Variants in KCNH8 observed in about 807,000 individuals in gnomAD.
The protein encoded by KCNH8 is potassium voltage-gated channel subfamily H member 8.
A neutral mutation model predicts 103.6 loss-of-function variants in KCNH8; 70 were observed. The ratio of observed to expected loss-of-function variants is 0.68; its 90% confidence interval spans 0.56 to 0.82. KCNH8 has a LOEUF of 0.82. Ranked by LOEUF, KCNH8 falls within the 40% of genes least tolerant of loss-of-function variation. The pLI is 0.00. For synonymous variants in KCNH8, 498 were observed against 489.4 expected, an observed-to-expected ratio of 1.02 and a Z score of -0.23; for missense variants, 1,217 against 1,329.9, an observed-to-expected ratio of 0.92 and a Z score of 1.32.
At chr3:19,185,653 C>T (rs1389799706) in intron 1 of KCNH8, among the ~76,000 whole-genome samples, 1 of 151,824 alleles carries the variant, frequency 6.6e-6, no homozygotes, top group Non-Finnish European at 1.5e-5. Flanking sequence ...AGATGATTTA[C>T]AAGAGGACCA....
chr3:19,288,984 T>C (rs564361164), intron 3 of KCNH8, among the ~76,000 whole-genome samples: 304 of 152,352 alleles, frequency 2.0e-3, no homozygotes, highest in South Asian at 3.5e-3. Context: ...TGGCCAGTGA[T>C]GATGAGCATT....
Position 19,390,583 on chromosome 3 carries a change from T to G in KCNH8, c.914T>G (p.Ile305Ser). ...CACTATGTCACAACCTGGTTCATCA[T>G]TGATTTAATCGCTGCCCTGCCTTTT... ...CIHYVTTWFI[I>S]DLIAALPFDL... is the part of the protein sequence containing the mutation. Residue 305 changes from isoleucine (I) to serine (S), a missense_variant, in exon 6 of 16, where the codon ATT becomes AGT. Physicochemically the swap from Ile to Ser is moderately radical, Grantham distance 142 (BLOSUM62 -2). Coordinates refer to ENST00000328405, the MANE Select transcript of KCNH8 (RefSeq NM_144633.3). 1 of 1,613,584 alleles carries G rather than the reference T, an allele frequency of 6.2e-7. No individual in the cohort carries two copies. The highest frequency in any genetic ancestry group is 8.5e-7 in the Non-Finnish European group (1 of 1,179,662).
intron 1 of KCNH8, among the ~76,000 whole-genome samples, chr3:19,244,692 G>A (rs916743629): frequency 3.3e-5 from 5 of 151,778 alleles, no homozygotes; most frequent in African/African-American, 1.2e-4. Flanking sequence ...TCTCGTTGTG[G>A]GTTTTGATTT....
intron 9 of KCNH8, 137 bp downstream of exon 9, chr3:19,450,442 T>C: frequency 1.4e-6 from 1 of 694,892 alleles, no homozygotes; most frequent in East Asian, 2.7e-5. Context: ...TATTCATGAA[T>C]CCCAATCCAT....
At chr3:19,187,953 A>T (rs924975463) in intron 1 of KCNH8, among the ~76,000 whole-genome samples, 3 of 152,020 alleles carry the variant, frequency 2.0e-5, no homozygotes, top group African/African-American at 7.2e-5. Context: ...GTGTTTTGTA[A>T]CCACTATACA....
rs116470764 is a variant in KCNH8, at chr3:19,522,303, A to T, written c.2619+4229A>T. ...ATGGTGTAGTTCCATTCTAATTCCG[A>T]AGTCCTAAAAACCAGGAGAGCCAGT... is the stretch of plus-strand genomic sequence containing the variant. On this transcript the variant is annotated intron_variant, in intron 15 of 15. Coordinates refer to ENST00000328405, the MANE Select transcript of KCNH8 (RefSeq NM_144633.3). Among the ~76,000 whole-genome samples, 165 of 151,862 alleles carry T rather than the reference A, an allele frequency of 1.1e-3. 1 individual carries two copies. The highest frequency in any genetic ancestry group is 3.8e-3 in the African/African-American group (156 of 41,502).
chr3:19,255,417 C>T (rs550188146), intron 2 of KCNH8, among the ~76,000 whole-genome samples: 1 of 152,226 alleles, frequency 6.6e-6, no homozygotes, highest in East Asian at 1.9e-4. Flanking sequence ...CAAACAGAGA[C>T]AGTTTGATGT....
At chr3:19,504,968 T>G (rs538613430) in intron 11 of KCNH8, among the ~76,000 whole-genome samples, 22 of 149,210 alleles carry the variant, frequency 1.5e-4, no homozygotes, top group Non-Finnish European at 2.2e-4. Flanking sequence ...AAATGTGAGA[T>G]ATATATATAT....
chr3:19,522,652 C>G (rs1189172243), intron 15 of KCNH8, among the ~76,000 whole-genome samples: 1 of 151,838 alleles, frequency 6.6e-6, no homozygotes, highest in Non-Finnish European at 1.5e-5. Flanking sequence ...AGCTGGCATA[C>G]AAAATTTACT....
chr3:19,221,295 G>A (rs1032283848), intron 1 of KCNH8, among the ~76,000 whole-genome samples: 7 of 152,322 alleles, frequency 4.6e-5, no homozygotes, highest in African/African-American at 1.7e-4. Flanking sequence ...AAGGGGCAGG[G>A]CCTGAGATTT....
At chr3:19,453,741 G>A (rs982678284) in intron 10 of KCNH8, among the ~76,000 whole-genome samples, 5 of 152,138 alleles carry the variant, frequency 3.3e-5, no homozygotes. Flanking sequence ...ACGGAAAGGT[G>A]CCATTTGTGA....
chr3:19,327,826 G>A (rs2065444355), intron 3 of KCNH8, among the ~76,000 whole-genome samples: 1 of 152,116 alleles, frequency 6.6e-6, no homozygotes, highest in African/African-American at 2.4e-5. Context: ...CTTATTTCTA[G>A]CAATATGACA....
At chr3:19,503,931 T>C (rs2068642110) in intron 11 of KCNH8, among the ~76,000 whole-genome samples, 1 of 151,620 alleles carries the variant, frequency 6.6e-6, no homozygotes, top group African/African-American at 2.4e-5. Flanking sequence ...AGTATAATAA[T>C]AATAATAATA....
chr3:19,268,895 G>T (rs1559451489), intron 2 of KCNH8, among the ~76,000 whole-genome samples: 1 of 152,114 alleles, frequency 6.6e-6, no homozygotes, highest in Non-Finnish European at 1.5e-5. Context: ...TCAGAGGTTA[G>T]CTGCTAGAAT....
intron 1 of KCNH8, among the ~76,000 whole-genome samples, chr3:19,173,115 G>T (rs2063363798): frequency 6.6e-6 from 1 of 152,024 alleles, no homozygotes; most frequent in African/African-American, 2.4e-5. Context: ...CAGATTCCCA[G>T]GCTCTGTCCA....
intron 1 of KCNH8, among the ~76,000 whole-genome samples, chr3:19,160,503 T>G (rs1044874744): frequency 2.6e-5 from 4 of 152,146 alleles, no homozygotes; most frequent in Non-Finnish European, 5.9e-5. Flanking sequence ...CCACTTCCAG[T>G]ACATAGCAGC....
chr3:19,414,306 ATATAGT>A (rs1453987179), intron 7 of KCNH8, among the ~76,000 whole-genome samples: 2 of 152,154 alleles, frequency 1.3e-5, no homozygotes, highest in Non-Finnish European at 2.9e-5. Context: ...AAGTAGGAAA[ATATAGT>A]TATAATGGGA....
chr3:19,324,686 A>G (rs75397886), intron 3 of KCNH8, among the ~76,000 whole-genome samples: 163 of 152,312 alleles, frequency 1.1e-3, no homozygotes, highest in Non-Finnish European at 2.0e-3. Flanking sequence ...AAGAAATCAG[A>G]GATCACACAA....
In KCNH8 at chr3:19,514,217, G is replaced by A. The variant is rs540452286; in HGVS notation, c.2435+892G>A. Among the ~76,000 whole-genome samples the A allele has an allele frequency of 5.9e-5, 9 of 151,786 alleles. No homozygotes were observed. In the South Asian group the frequency reaches 1.9e-3, roughly 32 times the overall value. On this transcript the variant is annotated intron_variant, in intron 13 of 15. Transcript: ENST00000328405. ...TTGTTTTTCTACTTATAAAGCAAGT[G>A]GTCTTTCTCAAATACTATATTTTTA...
Sources: allele counts gnomAD v4.1 joint callset (sites outside exome capture counted in the v4.1 genomes callset), GRCh38; gene constraint gnomAD v4.1.1; transcripts MANE v1.5; gene names NCBI Gene and HGNC (gene_info 2026-07-23, HGNC 2026-07-21).